The following BCR variants were observed in gnomAD, a reference collection of about 807,000 sequenced individuals.
The protein encoded by BCR is breakpoint cluster region protein.
A neutral mutation model predicts 138.6 loss-of-function variants in BCR; 58 were observed. That is an observed-to-expected ratio of 0.42 (90% CI 0.34 to 0.52). The LOEUF (loss-of-function observed/expected upper bound fraction) is 0.52. Ranked by LOEUF, BCR falls within the 20% of genes least tolerant of loss-of-function variation. The probability of loss-of-function intolerance (pLI) is 0.06; values close to 1 mark genes in which losing one functional copy is unlikely to be tolerated. For synonymous variants in BCR, 786 were observed against 730.1 expected, an observed-to-expected ratio of 1.08 and a Z score of -1.23; for missense variants, 1,599 against 1,727.2, an observed-to-expected ratio of 0.93 and a Z score of 1.32.
In BCR at chr22:23,226,320, G is replaced by A. The variant is rs541182084; in HGVS notation, c.1280-27479G>A. 1.1e-4 allele frequency among the ~76,000 whole-genome samples: 14 copies of A among 124,640 alleles called. No individual in the cohort carries two copies. In the East Asian group the frequency reaches 3.4e-3, roughly 30 times the overall value. The allele number at this position is 124,640 out of a possible 152,430, so 81.8% of individuals were successfully genotyped here. A position where few individuals can be genotyped will look rare whatever the true frequency, so the allele number is the denominator to read the frequency against. On this transcript the variant is annotated intron_variant, in intron 1 of 22. Transcript: ENST00000305877. ...ATTAAGTGTATGAGAGAGAGAGAGAGAGAGAGAGTGTGTGTGTGTGTGTGT... is the reference window on the plus strand; with the variant it reads ...ATTAAGTGTATGAGAGAGAGAGAGAAAGAGAGAGTGTGTGTGTGTGTGTGT...
chr22:23,315,407 T>C, intron 22 of BCR, 26 bp from the exon 23 acceptor site: 1 of 1,610,898 alleles, frequency 6.2e-7, no homozygotes, highest in Non-Finnish European at 8.5e-7. Flanking sequence ...TGAGCCACTC[T>C]TCTCTTCCCT....
chr22:23,303,286 A>G (rs962946171), intron 16 of BCR, among the ~76,000 whole-genome samples: 1 of 152,222 alleles, frequency 6.6e-6, no homozygotes, highest in African/African-American at 2.4e-5. Flanking sequence ...AGAGACAAAC[A>G]TAAGCCAAAA....
intron 20 of BCR, 80 bp downstream of exon 20, chr22:23,313,101 G>T: frequency 6.6e-7 from 1 of 1,504,806 alleles, no homozygotes. Flanking sequence ...GAAAAGTGAG[G>T]TGTGGGAACC....
At chr22:23,205,320 C>A (rs1362812746) in intron 1 of BCR, among the ~76,000 whole-genome samples, 1 of 152,200 alleles carries the variant, frequency 6.6e-6, no homozygotes, top group African/African-American at 2.4e-5. Flanking sequence ...GCCACGCTTT[C>A]CTTCAGAATA....
chr22:23,220,143 TG>T (rs527735674), intron 1 of BCR, among the ~76,000 whole-genome samples: 108 of 152,344 alleles, frequency 7.1e-4, no homozygotes, highest in Middle Eastern at 6.8e-3. Flanking sequence ...GCGGGGGTCC[TG>T]CTGTGCCCCC....
rs2227942 is a variant in BCR, at chr22:23,315,479, C to A, written c.3773C>A (p.Pro1258Gln). 2.5e-6 allele frequency: 4 copies of A among 1,612,902 alleles called. No homozygotes were observed. The highest frequency in any genetic ancestry group is 3.4e-6 in the Non-Finnish European group (4 of 1,179,998). The change falls in exon 23 of 23, where the codon CCG becomes CAG. Residue 1258 changes from proline to glutamine, a missense_variant. This residue lies in a region of BCR where 177 missense variants were observed against 226.4 expected (regional missense o/e 0.78). Coordinates refer to ENST00000305877, the MANE Select transcript of BCR (RefSeq NM_004327.4). ...YFLQLEAIPA[P>Q]DSKRQSILFS... Reference sequence around the variant, plus strand: ...CTGCAGCTGGAGGCCATCCCTGCCCCGGACAGCAAGAGACAGAGCATCCTG... The same window carrying A: ...CTGCAGCTGGAGGCCATCCCTGCCCAGGACAGCAAGAGACAGAGCATCCTG...
At chr22:23,205,555 G>A (rs1300476537) in intron 1 of BCR, among the ~76,000 whole-genome samples, 1 of 152,098 alleles carries the variant, frequency 6.6e-6, no homozygotes, top group Non-Finnish European at 1.5e-5. Context: ...GGAGCTGGTG[G>A]TTGCTGCTCG....
intron 5 of BCR, among the ~76,000 whole-genome samples, chr22:23,270,441 G>A (rs5996508): frequency 0.27 from 40,788 of 152,076 alleles, 5,719 homozygotes; most frequent in Middle Eastern, 0.42. Flanking sequence ...ACTGTCCACG[G>A]ACACGTGGGC....
At chr22:23,185,653 G>A (rs1015648202) in intron 1 of BCR, among the ~76,000 whole-genome samples, 5 of 150,178 alleles carry the variant, frequency 3.3e-5, no homozygotes, top group South Asian at 4.2e-4. Flanking sequence ...GCGACAGAGC[G>A]AGACACAGTC....
Position 23,180,766 on chromosome 22 carries a change from GCCC to G in BCR, c.-193_-191del, listed in dbSNP as rs2072233437. On this transcript the variant is annotated 5_prime_UTR_variant, in exon 1 of 23. Coordinates refer to ENST00000305877, the MANE Select transcript of BCR (RefSeq NM_004327.4). Reference sequence around the variant, plus strand: ...CAGCCCGCGCCCTTCCCCCCGGCGCGCCCCGCCCCGCGCGCCGAGCGCCCCGCT... The same window carrying G: ...CAGCCCGCGCCCTTCCCCCCGGCGCGCGCCCCGCGCGCCGAGCGCCCCGCT... The G allele has an allele frequency of 6.2e-6, 1 of 161,804 alleles. No homozygotes were observed. Among genetic ancestry groups the G allele is most frequent in the Non-Finnish European group, 1.2e-5 (1 of 80,418 alleles). 10.0% of individuals were successfully genotyped at this position (161,804 alleles called of 1,614,324 possible). A position where few individuals can be genotyped will look rare whatever the true frequency, so the allele number is the denominator to read the frequency against.
At position 23,181,411 on chromosome 22, in the gene BCR, G is replaced by A; in HGVS notation, c.451G>A (p.Val151Met). The A allele has an allele frequency of 6.4e-7, 1 of 1,573,260 alleles. No homozygotes were observed. The highest frequency in any genetic ancestry group is 8.6e-7 in the Non-Finnish European group (1 of 1,158,548). Residue 151 changes from valine (V) to methionine (M), a missense_variant, in exon 1 of 23, where the codon GTG becomes ATG. Around this residue, in one of 4 missense-constraint regions of BCR, gnomAD observed 806 missense variants for 635.0 expected, o/e 1.27. Coordinates refer to ENST00000305877, the MANE Select transcript of BCR (RefSeq NM_004327.4). ...GGACGACCGGGGACCCCCCGCCAGC[G>A]TGGCGGCGCTCAGGTCCAACTTCGA... ...ERDDRGPPAS[V>M]AALRSNFERI...
In BCR at chr22:23,311,420, A is replaced by G. The variant is rs1202797805; in HGVS notation, c.3183-277A>G. Among the ~76,000 whole-genome samples the G allele has an allele frequency of 5.9e-5, 9 of 151,834 alleles. No homozygotes were observed. The South Asian group carries it at 1.9e-3, about 32-fold the overall frequency. On this transcript the variant is annotated intron_variant, in intron 18 of 22. Coordinates refer to ENST00000305877, the MANE Select transcript of BCR (RefSeq NM_004327.4). ...TCTGTCAGATGCCCTTCCCGTGCTG[A>G]CTTGACATAGACAGGCCTCCTGACC...
chr22:23,263,001 A>G, intron 4 of BCR: 1 of 833,562 alleles, frequency 1.2e-6, no homozygotes, highest in Admixed American at 3.8e-5. Flanking sequence ...AGGGGCCGGG[A>G]AAGAGGCACA....
chr22:23,285,797 C>T (rs1231793376), intron 10 of BCR, among the ~76,000 whole-genome samples: 2 of 152,204 alleles, frequency 1.3e-5, no homozygotes, highest in African/African-American at 4.8e-5. Flanking sequence ...CTGGGTCATG[C>T]AAGGCAGAAA....
chr22:23,285,094 G>C lies in BCR; in HGVS notation c.2299G>C (p.Val767Leu). 6.2e-7 allele frequency: 1 copy of C among 1,614,102 alleles called. No homozygotes were observed. ...GCTCACGGATCTCAGCTTCCAGATG[G>C]TGGATGAACTGGAGGCAGTGCCCAA... ...IPLTDLSFQM[V>L]DELEAVPNIP... is the part of the protein sequence containing the mutation. Residue 767 changes from valine (V) to leucine (L), a missense_variant, in exon 10 of 23, where the codon GTG becomes CTG. By Grantham distance (32) the Val-to-Leu change is conservative. This residue lies in a region of BCR where 590 missense variants were observed against 762.4 expected (regional missense o/e 0.77). Coordinates refer to ENST00000305877, the MANE Select transcript of BCR (RefSeq NM_004327.4).
intron 1 of BCR, among the ~76,000 whole-genome samples, chr22:23,249,228 G>T (rs1467276512): frequency 2.6e-5 from 4 of 152,100 alleles, no homozygotes; most frequent in Non-Finnish European, 5.9e-5. Flanking sequence ...AGGAGATGGA[G>T]ACCATCCTGG....
intron 1 of BCR, among the ~76,000 whole-genome samples, chr22:23,250,106 A>T (rs1465058179): frequency 2.0e-5 from 3 of 152,200 alleles, no homozygotes; most frequent in Non-Finnish European, 4.4e-5. Context: ...GGACGTTGCT[A>T]AGCCAGCATG....
At chr22:23,309,665 G>A (rs2073987227) in intron 17 of BCR, 182 bp downstream of exon 17, 3 of 601,464 alleles carry the variant, frequency 5.0e-6, no homozygotes, top group Non-Finnish European at 9.1e-6. Context: ...TTCATTGGCT[G>A]GAATGCAGTT....
intron 16 of BCR, among the ~76,000 whole-genome samples, chr22:23,299,822 T>C (rs1438022640): frequency 6.6e-6 from 1 of 151,918 alleles, no homozygotes; most frequent in Non-Finnish European, 1.5e-5. Flanking sequence ...TTCCCAGGGG[T>C]GGCTGGGGCG....
Sources: allele counts gnomAD v4.1 joint callset (sites outside exome capture counted in the v4.1 genomes callset), GRCh38; gene constraint gnomAD v4.1.1; regional missense constraint gnomAD v4.1.1; transcripts MANE v1.5; gene names NCBI Gene and HGNC (gene_info 2026-07-23, HGNC 2026-07-21).